CRACR2A: variants seen among roughly 807,000 people sequenced by gnomAD.
CRACR2A encodes EF-hand calcium-binding domain-containing protein 4B.
A neutral mutation model predicts 90.5 loss-of-function variants in CRACR2A; 79 were observed. The ratio of observed to expected loss-of-function variants is 0.87; its 90% CI spans 0.73 to 1.05. The LOEUF (loss-of-function observed/expected upper bound fraction) is 1.05. Among genes scored for constraint, CRACR2A ranks in the 50% least tolerant of loss-of-function variants. The probability of loss-of-function intolerance (pLI) is 0.00; values close to 1 mark genes in which losing one functional copy is unlikely to be tolerated. For missense variants in CRACR2A, 823 were observed against 897.2 expected (o/e 0.92, Z 1.06); for synonymous variants, 338 against 356.7 (o/e 0.95, Z 0.59).
chr12:3,710,291 TAA>T (rs1430717026), intron 3 of CRACR2A, among the ~76,000 whole-genome samples: 2 of 152,182 alleles, frequency 1.3e-5, no homozygotes, highest in African/African-American at 2.4e-5. Flanking sequence ...TTGTCTGTGC[TAA>T]GTCTTACCAG....
At chr12:3,620,354 G>A (rs1476036372) in intron 17 of CRACR2A, among the ~76,000 whole-genome samples, 2 of 152,194 alleles carry the variant, frequency 1.3e-5, no homozygotes, top group Non-Finnish European at 2.9e-5. Context: ...TAAATAGAGG[G>A]ACCTGTGGGA....
intron 7 of CRACR2A, among the ~76,000 whole-genome samples, chr12:3,668,601 T>C (rs925489639): frequency 1.3e-5 from 2 of 152,296 alleles, no homozygotes; most frequent in South Asian, 4.1e-4. Context: ...GCAGGGCCAG[T>C]GACATGATGA....
intron 2 of CRACR2A, chr12:3,727,018 TGGTGGC>T (rs1946278550): frequency 6.6e-6 from 1 of 151,956 alleles, no homozygotes; most frequent in Admixed American, 6.6e-5. Flanking sequence ...TAGCCGGGCG[TGGTGGC>T]ACACCCTGTA....
At chr12:3,745,821 A>G (rs1252327767) in intron 1 of CRACR2A, among the ~76,000 whole-genome samples, 50 of 8,950 alleles carry the variant, frequency 5.6e-3, no homozygotes, top group Non-Finnish European at 6.3e-3. Flanking sequence ...AAAATAAAAT[A>G]AAATAAAGAA....
intron 3 of CRACR2A, among the ~76,000 whole-genome samples, chr12:3,703,874 ATACCAC>A (rs1204280118): frequency 1.3e-5 from 2 of 152,232 alleles, no homozygotes; most frequent in African/African-American, 4.8e-5. Flanking sequence ...CCACAATGAA[ATACCAC>A]TACACACCTA....
At chr12:3,643,411 G>A (rs1944608673) in intron 12 of CRACR2A, among the ~76,000 whole-genome samples, 1 of 152,126 alleles carries the variant, frequency 6.6e-6, no homozygotes, top group Non-Finnish European at 1.5e-5. Context: ...TATGGAGGGG[G>A]GATGGGAATT....
intron 3 of CRACR2A, among the ~76,000 whole-genome samples, chr12:3,704,374 G>A (rs1025610826): frequency 1.3e-5 from 2 of 152,222 alleles, no homozygotes; most frequent in African/African-American, 4.8e-5. Flanking sequence ...GTAGGCAGGA[G>A]TGAGAAGGAG....
At chr12:3,707,572 T>C (rs913784109) in intron 3 of CRACR2A, among the ~76,000 whole-genome samples, 1 of 152,220 alleles carries the variant, frequency 6.6e-6, no homozygotes, top group Admixed American at 6.5e-5. Context: ...AAGCCAAACA[T>C]AGCCACAGCA....
At chr12:3,654,171 T>G in intron 10 of CRACR2A, 41 bp downstream of exon 10, 1 of 1,597,206 alleles carries the variant, frequency 6.3e-7, no homozygotes, top group South Asian at 1.1e-5. Flanking sequence ...TGGGGAGTGG[T>G]GCGGGAAGAC....
rs1944409810 is a variant in CRACR2A, at chr12:3,633,526, T to C, written c.1735+78A>G. On this transcript the variant is annotated intron_variant, in intron 15 of 19. Transcript: ENST00000440314. This position sits in a 1 kb window ranked among gnomAD's most constrained non-coding sequence, Gnocchi z 4.5. ...GGCCCTTCCCATGGGCTTCTAACGC[T>C]CCCTGCCCCGGGCCCCCTTCTCACA... The C allele has an allele frequency of 6.5e-7, 1 of 1,535,862 alleles. No homozygotes were observed. The highest frequency in any genetic ancestry group is 8.8e-7 in the Non-Finnish European group (1 of 1,136,686).
chr12:3,642,361 C>T (rs1023098040), intron 12 of CRACR2A, among the ~76,000 whole-genome samples: 23 of 152,168 alleles, frequency 1.5e-4, no homozygotes, highest in Admixed American at 9.2e-4. Flanking sequence ...GGATTATAGG[C>T]GCCCTACCAT....
At chr12:3,738,026 C>T (rs993014577) in intron 1 of CRACR2A, among the ~76,000 whole-genome samples, 4 of 152,228 alleles carry the variant, frequency 2.6e-5, no homozygotes, top group Non-Finnish European at 5.9e-5. Flanking sequence ...TGGCGAGTGG[C>T]TTCTCATCAC....
At chr12:3,672,907 T>A in intron 7 of CRACR2A, 2 of 575,220 alleles carry the variant, frequency 3.5e-6, no homozygotes, top group Non-Finnish European at 4.4e-6. Flanking sequence ...AGGAGGGACA[T>A]TCAGCAGGGC....
At chr12:3,662,117 C>T (rs1038938450) in intron 7 of CRACR2A, among the ~76,000 whole-genome samples, 3 of 152,182 alleles carry the variant, frequency 2.0e-5, no homozygotes, top group African/African-American at 7.2e-5. Flanking sequence ...CCCTCACTCA[C>T]AAAGGCTAGG....
At chr12:3,743,553 G>A (rs934589660) in intron 1 of CRACR2A, among the ~76,000 whole-genome samples, 3 of 152,114 alleles carry the variant, frequency 2.0e-5, no homozygotes, top group Admixed American at 6.5e-5. Context: ...AGGTGTCCAC[G>A]GTGCAGGTGT....
At chr12:3,667,180 A>G (rs1369717399) in intron 7 of CRACR2A, among the ~76,000 whole-genome samples, 1 of 152,238 alleles carries the variant, frequency 6.6e-6, no homozygotes, top group African/African-American at 2.4e-5. Flanking sequence ...TTGGTTTTCA[A>G]GTGAAGAAAA....
intron 13 of CRACR2A, chr12:3,640,819 G>A (rs750132974): frequency 1.9e-4 from 246 of 1,304,430 alleles, no homozygotes; most frequent in Non-Finnish European, 2.4e-4. Context: ...AGAGTGGGCA[G>A]GGGACTGGTT....
rs746523323 is a variant in CRACR2A at position 3,627,459 on chromosome 12, G to A, written c.1909C>T (p.Arg637Trp). The change falls in exon 17 of 20, where the codon CGG becomes TGG. Residue 637 changes from arginine to tryptophan, a missense_variant. Transcript: ENST00000440314. ...ACCTCCACGCTGCTCAGCCACCGCC[G>A]GACCGACAGGAACGACTGCTTGTCT... ...LTDKQSFLSV[R>W]RWLSSVEEAV... is the part of the protein sequence containing the mutation. 4.5e-6 allele frequency: 7 copies of A among 1,551,908 alleles called. No individual in the cohort carries two copies. The highest frequency in any genetic ancestry group is 2.4e-5 in the East Asian group (1 of 40,920).
At chr12:3,644,571 G>C in intron 12 of CRACR2A, 24 bp downstream of exon 12, 2 of 1,550,718 alleles carry the variant, frequency 1.3e-6, no homozygotes, top group Non-Finnish European at 1.7e-6. Flanking sequence ...GTCCCCCACA[G>C]GTAAGGGAGA....
Sources: allele counts gnomAD v4.1 joint callset (sites outside exome capture counted in the v4.1 genomes callset), GRCh38; gene constraint gnomAD v4.1.1; non-coding constraint Gnocchi (gnomAD v3.1); transcripts MANE v1.5; gene names NCBI Gene and HGNC (gene_info 2026-07-23, HGNC 2026-07-21).